Variants in UBE2E2 observed in about 807,000 individuals in gnomAD.
The protein encoded by UBE2E2 is ubiquitin conjugating enzyme E2 E2, also known as ubiquitin-conjugating enzyme E2 E2.
A neutral mutation model predicts 24.7 loss-of-function variants in UBE2E2; 6 were observed. The observed-to-expected ratio is 0.24, with a 90% confidence interval of 0.13 to 0.48. The LOEUF (loss-of-function observed/expected upper bound fraction) is 0.48. UBE2E2 is among the 20% of genes least tolerant of loss of function. UBE2E2 has a pLI of 0.99. For missense variants in UBE2E2, 169 were observed against 245.0 expected (o/e 0.69, Z 2.07); for synonymous variants, 104 against 83.6 (o/e 1.24, Z -1.33).
intron 3 of UBE2E2, among the ~76,000 whole-genome samples, chr3:23,431,889 T>A (rs540479843): frequency 1.0e-3 from 158 of 152,324 alleles, no homozygotes; most frequent in African/African-American, 3.6e-3. Context: ...TTGGCCCACA[T>A]ACTGTAGTAC....
At chr3:23,507,572 A>C (rs1388273392) in intron 4 of UBE2E2, among the ~76,000 whole-genome samples, 1 of 152,218 alleles carries the variant, frequency 6.6e-6, no homozygotes, top group African/African-American at 2.4e-5. Flanking sequence ...ACTGAGCTCC[A>C]TGGAGGTTAA....
intron 5 of UBE2E2, among the ~76,000 whole-genome samples, chr3:23,578,481 A>G (rs1413807565): frequency 6.6e-6 from 1 of 152,354 alleles, no homozygotes; most frequent in East Asian, 1.9e-4. Context: ...GTGCACACAT[A>G]TGCTCATTGC....
intron 4 of UBE2E2, among the ~76,000 whole-genome samples, chr3:23,514,882 G>T (rs73043677): frequency 5.3e-5 from 8 of 152,068 alleles, no homozygotes; most frequent in African/African-American, 1.9e-4. Context: ...TTAAGCAATA[G>T]ATAAGGAGTA....
At chr3:23,419,195 C>T (rs1010595090) in intron 3 of UBE2E2, among the ~76,000 whole-genome samples, 7 of 152,038 alleles carry the variant, frequency 4.6e-5, no homozygotes, top group African/African-American at 1.7e-4. Flanking sequence ...AAGCTTCCTC[C>T]TGGCCTCAAG....
intron 3 of UBE2E2, among the ~76,000 whole-genome samples, chr3:23,236,483 CTT>C (rs530403264): frequency 1.4e-4 from 17 of 124,262 alleles, no homozygotes; most frequent in East Asian, 4.6e-4. Context: ...TTCTTAGGTC[CTT>C]TTTTTTTTTT....
chr3:23,349,200 A>G (rs1053364670), intron 3 of UBE2E2, among the ~76,000 whole-genome samples: 5 of 152,238 alleles, frequency 3.3e-5, no homozygotes, highest in Admixed American at 3.3e-4. Flanking sequence ...AGTGAAGCTC[A>G]TGAAAAGCCA....
chr3:23,218,492 G>A (rs982141580), intron 3 of UBE2E2, among the ~76,000 whole-genome samples: 1 of 151,948 alleles, frequency 6.6e-6, no homozygotes, highest in Non-Finnish European at 1.5e-5. Flanking sequence ...AAAAACCCCA[G>A]TTTGAATTAA....
intron 3 of UBE2E2, among the ~76,000 whole-genome samples, chr3:23,386,345 C>G (rs1003772521): frequency 6.6e-6 from 1 of 152,130 alleles, no homozygotes; most frequent in African/African-American, 2.4e-5. Context: ...AGCTTCTTTT[C>G]TAAGGGATCC....
intron 3 of UBE2E2, among the ~76,000 whole-genome samples, chr3:23,287,038 C>A (rs2125375766): frequency 6.6e-6 from 1 of 152,084 alleles, no homozygotes; most frequent in East Asian, 1.9e-4. Flanking sequence ...TCAGTTTTTC[C>A]CCATTCAGTA....
chr3:23,352,350 A>C (rs1325650771), intron 3 of UBE2E2, among the ~76,000 whole-genome samples: 1 of 152,212 alleles, frequency 6.6e-6, no homozygotes, highest in South Asian at 2.1e-4. Context: ...AAACACATTC[A>C]AAACCTAGCA....
intron 1 of UBE2E2, among the ~76,000 whole-genome samples, chr3:23,206,881 A>G (rs1575469245): frequency 6.6e-6 from 1 of 151,664 alleles, no homozygotes; most frequent in Non-Finnish European, 1.5e-5. Flanking sequence ...ACCTGTTCTT[A>G]TTCTTGATCA....
intron 3 of UBE2E2, among the ~76,000 whole-genome samples, chr3:23,337,166 A>G (rs1695234101): frequency 6.6e-6 from 1 of 151,744 alleles, no homozygotes; most frequent in South Asian, 2.1e-4. Flanking sequence ...AATTCAGCTG[A>G]TTACTACTTT....
chr3:23,576,692 A>G (rs539065085), intron 5 of UBE2E2, among the ~76,000 whole-genome samples: 1 of 152,260 alleles, frequency 6.6e-6, no homozygotes, highest in African/African-American at 2.4e-5. Flanking sequence ...CAGTAAACAT[A>G]TAGGGTAAGA....
chr3:23,475,246 A>T (rs1047087174), intron 3 of UBE2E2, among the ~76,000 whole-genome samples: 14 of 152,112 alleles, frequency 9.2e-5, no homozygotes, highest in South Asian at 6.2e-4. Flanking sequence ...TCATAACCTA[A>T]TCCACTCATA....
At chr3:23,278,212 A>T (rs1411971504) in intron 3 of UBE2E2, among the ~76,000 whole-genome samples, 1 of 152,132 alleles carries the variant, frequency 6.6e-6, no homozygotes, top group Non-Finnish European at 1.5e-5. Flanking sequence ...TTAACACATA[A>T]TTAAGTTATG....
intron 5 of UBE2E2, among the ~76,000 whole-genome samples, chr3:23,557,438 G>C (rs899499307): frequency 2.6e-5 from 4 of 152,096 alleles, no homozygotes; most frequent in Non-Finnish European, 5.9e-5. Flanking sequence ...GGTACAAGAC[G>C]GGAACCAACC....
chr3:23,217,412 TAA>T, intron 3 of UBE2E2, 100 bp downstream of exon 3: 2 of 1,063,610 alleles, frequency 1.9e-6, no homozygotes, highest in Non-Finnish European at 2.9e-6. Context: ...GATTAATTAG[TAA>T]AAACATCATT....
At chr3:23,530,854 TA>T (rs945508312) in intron 4 of UBE2E2, among the ~76,000 whole-genome samples, 6 of 152,208 alleles carry the variant, frequency 3.9e-5, no homozygotes, top group African/African-American at 1.4e-4. Context: ...TACCATCTTT[TA>T]CTCCCTTCCC....
intron 3 of UBE2E2, among the ~76,000 whole-genome samples, chr3:23,420,041 G>A (rs1025075892): frequency 9.9e-5 from 15 of 152,160 alleles, no homozygotes; most frequent in African/African-American, 2.7e-4. Flanking sequence ...ATATTTAGGC[G>A]TTTGAATGGA....
Sources: gnomAD v4.1 joint callset for allele counts (sites outside exome capture counted in the v4.1 genomes callset) on GRCh38, gnomAD v4.1.1 for gene constraint, MANE v1.5 for transcripts, NCBI Gene and HGNC (gene_info 2026-07-23, HGNC 2026-07-21) for gene names.